Variants in PLCH1 observed in about 807,000 individuals in gnomAD.
The protein encoded by PLCH1 is phospholipase C eta 1, also known as 1-phosphatidylinositol 4,5-bisphosphate phosphodiesterase eta-1.
A neutral mutation model predicts 126.7 loss-of-function variants in PLCH1; 60 were observed. The ratio of observed to expected loss-of-function variants is 0.47; its 90% CI spans 0.38 to 0.59. PLCH1 has a LOEUF of 0.59. Ranked by LOEUF, PLCH1 falls within the 20% of genes least tolerant of loss-of-function variation. PLCH1 has a pLI of 0.00. For synonymous variants in PLCH1, 719 were observed against 734.9 expected (o/e 0.98, Z 0.35); for missense variants, 1,723 against 2,040.0 (o/e 0.84, Z 2.99).
At chr3:155,542,028 T>C (rs560402180) in intron 10 of PLCH1, among the ~76,000 whole-genome samples, 11 of 152,250 alleles carry the variant, frequency 7.2e-5, no homozygotes, top group Non-Finnish European at 1.5e-4. Flanking sequence ...TGCCAGACAG[T>C]GGGCGCAGGA....
chr3:155,605,368 T>A (rs548442163), intron 2 of PLCH1, among the ~76,000 whole-genome samples: 76 of 152,338 alleles, frequency 5.0e-4, no homozygotes, highest in African/African-American at 1.8e-3. Context: ...TAGAAATATT[T>A]CTTGCTTGTA....
chr3:155,624,890 C>A (rs1399755485), intron 2 of PLCH1, among the ~76,000 whole-genome samples: 1 of 152,084 alleles, frequency 6.6e-6, no homozygotes, highest in Non-Finnish European at 1.5e-5. Flanking sequence ...TGGAAAAAAA[C>A]TACCTTAAAT....
At chr3:155,599,416 G>C (rs1275902254) in intron 2 of PLCH1, among the ~76,000 whole-genome samples, 1 of 152,080 alleles carries the variant, frequency 6.6e-6, no homozygotes, top group Middle Eastern at 3.2e-3. Flanking sequence ...GAGAAAAGAT[G>C]AGCCTCTATC....
intron 21 of PLCH1, among the ~76,000 whole-genome samples, chr3:155,453,813 GATAA>G (rs1560025873): frequency 6.6e-6 from 1 of 150,994 alleles, no homozygotes; most frequent in Non-Finnish European, 1.5e-5. Flanking sequence ...TTTATCTATA[GATAA>G]ATATAGATAT....
At chr3:155,730,453 G>T (rs553090138) in intron 1 of PLCH1, among the ~76,000 whole-genome samples, 2 of 151,938 alleles carry the variant, frequency 1.3e-5, no homozygotes, top group South Asian at 2.1e-4. Context: ...GCTAATTTTC[G>T]TATTTTTAGT....
chr3:155,651,189 T>C (rs1740675514), intron 2 of PLCH1, among the ~76,000 whole-genome samples: 1 of 152,262 alleles, frequency 6.6e-6, no homozygotes, highest in African/African-American at 2.4e-5. Flanking sequence ...CAAATGTTCT[T>C]ACTCTGAAAG....
chr3:155,691,526 C>T (rs563396557), intron 2 of PLCH1, among the ~76,000 whole-genome samples: 1 of 152,308 alleles, frequency 6.6e-6, no homozygotes, highest in African/African-American at 2.4e-5. Context: ...AGGAATAACA[C>T]AGAGAACCTG....
intron 2 of PLCH1, among the ~76,000 whole-genome samples, chr3:155,612,489 A>G (rs2108737938): frequency 6.6e-6 from 1 of 152,190 alleles, no homozygotes; most frequent in Middle Eastern, 3.4e-3. Context: ...AAAAGAAATA[A>G]CCAAGATCAG....
intron 8 of PLCH1, among the ~76,000 whole-genome samples, chr3:155,556,740 TA>T (rs1487687756): frequency 6.6e-6 from 1 of 152,220 alleles, no homozygotes; most frequent in Non-Finnish European, 1.5e-5. Context: ...CCTTCAAGGA[TA>T]AATTCTCAAC....
chr3:155,621,449 A>G (rs1031245312), intron 2 of PLCH1, among the ~76,000 whole-genome samples: 11 of 152,156 alleles, frequency 7.2e-5, no homozygotes, highest in African/African-American at 2.7e-4. Flanking sequence ...AAGGTGAGTA[A>G]TAACAAACCC....
chr3:155,619,837 A>G (rs1736241265), intron 2 of PLCH1, among the ~76,000 whole-genome samples: 1 of 150,972 alleles, frequency 6.6e-6, no homozygotes, highest in Admixed American at 6.6e-5. Context: ...TCTATGGCAG[A>G]TGTTTTTGTC....
chr3:155,504,921 GCCCTCATGGTGCCTGTT>G (rs1718433540), intron 12 of PLCH1, among the ~76,000 whole-genome samples: 1 of 152,180 alleles, frequency 6.6e-6, no homozygotes, highest in Admixed American at 6.5e-5. Flanking sequence ...AGGTGTGCTG[GCCCTCATGGTGCCTGTT>G]CACCAGGCTC....
At chr3:155,471,889 G>C (rs2107983697) in intron 21 of PLCH1, among the ~76,000 whole-genome samples, 1 of 151,984 alleles carries the variant, frequency 6.6e-6, no homozygotes, top group South Asian at 2.1e-4. Flanking sequence ...CGAGAACAAA[G>C]ACACAACATA....
intron 2 of PLCH1, among the ~76,000 whole-genome samples, chr3:155,633,488 C>T (rs1171486161): frequency 2.0e-5 from 3 of 151,862 alleles, no homozygotes; most frequent in African/African-American, 7.3e-5. Context: ...TTCCGTCTCT[C>T]CTGCTGGAAT....
chr3:155,566,934 T>C (rs1468555264), intron 7 of PLCH1, among the ~76,000 whole-genome samples: 2 of 152,160 alleles, frequency 1.3e-5, no homozygotes, highest in Non-Finnish European at 2.9e-5. Context: ...GTCCATAACT[T>C]AGGAAACCAG....
At position 155,492,875 on chromosome 3, in the gene PLCH1, T is replaced by C. The variant is rs775700499; in HGVS notation, c.2183-22A>G. ...GTACCTAGGCCAAGTAAAGTATAAG[T>C]TGGTAACATAAGAAGAAACACACAC... On this transcript the variant is annotated intron_variant, in intron 17 of 22. Transcript: ENST00000460012. 3.2e-6 allele frequency: 5 copies of C among 1,557,156 alleles called. No homozygotes were observed. In the East Asian group the frequency reaches 1.2e-4, roughly 36 times the overall value.
chr3:155,512,300 TTGAG>T (rs1310525100), intron 12 of PLCH1, among the ~76,000 whole-genome samples: 3 of 152,168 alleles, frequency 2.0e-5, no homozygotes, highest in Non-Finnish European at 4.4e-5. Flanking sequence ...CACTGAATTA[TTGAG>T]TAAGACATTG....
At chr3:155,505,891 GCT>G (rs1491412549) in intron 12 of PLCH1, among the ~76,000 whole-genome samples, 13 of 147,992 alleles carry the variant, frequency 8.8e-5, no homozygotes, top group Admixed American at 1.3e-4. Context: ...CTCTTGGTCC[GCT>G]TTTTTTTTTT....
chr3:155,550,026 T>G, intron 9 of PLCH1, 68 bp from the exon 10 acceptor site: 3 of 1,134,860 alleles, frequency 2.6e-6, no homozygotes, highest in Non-Finnish European at 3.9e-6. Context: ...TTGAAAATGA[T>G]TCAGTATTCA....
Sources: gnomAD v4.1 joint callset for allele counts (sites outside exome capture counted in the v4.1 genomes callset) on GRCh38, gnomAD v4.1.1 for gene constraint, MANE v1.5 for transcripts, NCBI Gene and HGNC (gene_info 2026-07-23, HGNC 2026-07-21) for gene names.